AASS: variants seen among roughly 807,000 people sequenced by gnomAD.
AASS encodes the protein alpha-aminoadipic semialdehyde synthase, mitochondrial.
A neutral mutation model predicts 105.4 loss-of-function variants in AASS; 86 were observed. That is an observed-to-expected ratio of 0.82 (90% CI 0.69 to 0.98). The LOEUF is 0.98. AASS is among the 50% of genes least tolerant of loss of function. The pLI, the probability that AASS is intolerant of heterozygous loss-of-function variation, is 0.00. For missense variants in AASS, 1,048 were observed against 1,143.2 expected (o/e 0.92, Z 1.20); for synonymous variants, 381 against 394.8 (o/e 0.96, Z 0.41).
At chr7:122,125,832 G>A (rs1320247882) in intron 4 of AASS, among the ~76,000 whole-genome samples, 1 of 152,178 alleles carries the variant, frequency 6.6e-6, no homozygotes, top group African/African-American at 2.4e-5. Flanking sequence ...AGTCTTTGAA[G>A]AGGAACCTCT....
At chr7:122,103,106 C>T (rs558667473) in intron 11 of AASS, among the ~76,000 whole-genome samples, 1 of 152,028 alleles carries the variant, frequency 6.6e-6, no homozygotes, top group South Asian at 2.1e-4. Flanking sequence ...GACAGATGAA[C>T]ATCCAAATAT....
chr7:122,096,749 T>G (rs531577374), intron 15 of AASS, among the ~76,000 whole-genome samples: 49 of 152,262 alleles, frequency 3.2e-4, no homozygotes, highest in African/African-American at 1.2e-3. Context: ...TTTTTGCTAA[T>G]GCTAAATCCT....
intron 1 of AASS, among the ~76,000 whole-genome samples, chr7:122,141,143 C>G (rs760132572): frequency 3.3e-5 from 5 of 152,198 alleles, no homozygotes; most frequent in Non-Finnish European, 4.4e-5. Flanking sequence ...CATACTTTGA[C>G]TTCCTGTGCG....
In AASS at chr7:122,074,655, A is replaced by C. The variant is rs1792918727; in HGVS notation, c.*1834T>G. Among the ~76,000 whole-genome samples, 1 of 152,204 alleles carries C rather than the reference A, an allele frequency of 6.6e-6. No individual in the cohort carries two copies. The highest frequency in any genetic ancestry group is 2.1e-4 in the South Asian group (1 of 4,832). ...CAACTTTGAGTTAATTTTTATATGC[A>C]ATATGAGGTAGGAGTCCAATTTCAT... On this transcript the variant is annotated 3_prime_UTR_variant, in exon 24 of 24. Coordinates refer to ENST00000417368, the MANE Select transcript of AASS (RefSeq NM_005763.4).
At chr7:122,139,282 C>G (rs1487440834) in intron 1 of AASS, among the ~76,000 whole-genome samples, 1 of 152,134 alleles carries the variant, frequency 6.6e-6, no homozygotes, top group African/African-American at 2.4e-5. Flanking sequence ...ATATGCACGG[C>G]ATGATGCACT....
chr7:122,116,961 C>T lies in AASS; in HGVS notation c.688-4G>A. The stretch of plus-strand genomic sequence containing the variant: ...CATTAAAGATTGCTTGGGCTCCCTA[C>T]AAATAACACATGAGTAAAAATCCAA... On this transcript the variant is annotated splice_region_variant and splice_polypyrimidine_tract_variant and intron_variant, in intron 6 of 23. Coordinates refer to ENST00000417368, the MANE Select transcript of AASS (RefSeq NM_005763.4). 1 of 1,612,526 alleles carries T rather than the reference C, an allele frequency of 6.2e-7. No homozygotes were observed. The highest frequency in any genetic ancestry group is 1.7e-5 in the Admixed American group (1 of 60,004).
chr7:122,129,940 T>A (rs1795835246), intron 2 of AASS, among the ~76,000 whole-genome samples: 2 of 152,138 alleles, frequency 1.3e-5, no homozygotes, highest in Non-Finnish European at 2.9e-5. Context: ...ACATTTATTT[T>A]TCAGTGTTTA....
intron 3 of AASS, among the ~76,000 whole-genome samples, 190 bp from the exon 4 acceptor site, chr7:122,126,649 G>A (rs202022894): frequency 6.6e-6 from 1 of 152,120 alleles, no homozygotes; most frequent in African/African-American, 2.4e-5. Context: ...TGGTAGGCTT[G>A]TAATTAGAAA....
intron 4 of AASS, 98 bp from the exon 5 acceptor site, chr7:122,118,728 C>A (rs1795309049): frequency 6.0e-6 from 7 of 1,171,238 alleles, no homozygotes; most frequent in Non-Finnish European, 8.8e-6. Flanking sequence ...CCTGCAGAAG[C>A]ACAGATCATG....
chr7:122,077,751 G>A (rs993503401), intron 23 of AASS, 87 bp downstream of exon 23: 47 of 1,499,720 alleles, frequency 3.1e-5, no homozygotes, highest in African/African-American at 1.7e-4. Context: ...CCTGTGTTAC[G>A]CTCAAGAGCA....
At chr7:122,122,819 A>T (rs1194702983) in intron 4 of AASS, among the ~76,000 whole-genome samples, 2 of 152,070 alleles carry the variant, frequency 1.3e-5, no homozygotes, top group Non-Finnish European at 2.9e-5. Context: ...GATTTCCTCT[A>T]TTTCTCTCCT....
intron 13 of AASS, among the ~76,000 whole-genome samples, chr7:122,099,585 T>A (rs1406454210): frequency 6.6e-6 from 1 of 151,910 alleles, no homozygotes; most frequent in Non-Finnish European, 1.5e-5. Flanking sequence ...AACCCATTAA[T>A]GCTCAGCACA....
chr7:122,129,269 G>A (rs1795798845), intron 3 of AASS, 92 bp downstream of exon 3: 2 of 793,664 alleles, frequency 2.5e-6, no homozygotes, highest in Non-Finnish European at 1.9e-6. Flanking sequence ...TTAAACTAAA[G>A]AAGAAAAGAA....
intron 21 of AASS, 104 bp downstream of exon 21, chr7:122,079,493 C>T (rs910674988): frequency 9.2e-5 from 101 of 1,098,732 alleles, no homozygotes; most frequent in South Asian, 1.7e-4. Context: ...ATTAGAGCAA[C>T]GAATTAATCA....
chr7:122,107,421 T>C (rs761884735), intron 11 of AASS, among the ~76,000 whole-genome samples: 2 of 152,088 alleles, frequency 1.3e-5, no homozygotes, highest in Non-Finnish European at 2.9e-5. Flanking sequence ...TGTTCTATCA[T>C]AAGGACACAT....
intron 13 of AASS, among the ~76,000 whole-genome samples, chr7:122,099,681 G>A (rs1039747031): frequency 6.6e-6 from 1 of 152,012 alleles, no homozygotes; most frequent in African/African-American, 2.4e-5. Flanking sequence ...AAATGGCCTA[G>A]TGCCAGGGAC....
At chr7:122,129,563 T>C in intron 2 of AASS, 26 bp from the exon 3 acceptor site, 1 of 1,606,424 alleles carries the variant, frequency 6.2e-7, no homozygotes, top group Non-Finnish European at 8.5e-7. Context: ...TGATTAAAGG[T>C]TATTATCCTG....
At chr7:122,117,584 C>G (rs1411721956) in intron 6 of AASS, among the ~76,000 whole-genome samples, 1 of 152,022 alleles carries the variant, frequency 6.6e-6, no homozygotes, top group East Asian at 1.9e-4. Flanking sequence ...ACAGATCACC[C>G]TCAGAACAGA....
In AASS at chr7:122,126,343, G is replaced by A. The variant is rs560717101; in HGVS notation, c.472+32C>T. 52 of 1,588,818 alleles carry A rather than the reference G, an allele frequency of 3.3e-5. No homozygotes were observed. In the African/African-American group the frequency reaches 6.2e-4, roughly 19 times the overall value. On this transcript the variant is annotated intron_variant, in intron 4 of 23. Coordinates refer to ENST00000417368, the MANE Select transcript of AASS (RefSeq NM_005763.4). ...ACAGTTATTCCCCAAGCCAATTTAG[G>A]AAGTGGGTGATGTAAGCCCTGGCAT...
Sources: gnomAD v4.1 joint callset for allele counts (sites outside exome capture counted in the v4.1 genomes callset) on GRCh38, gnomAD v4.1.1 for gene constraint, MANE v1.5 for transcripts, NCBI Gene and HGNC (gene_info 2026-07-23, HGNC 2026-07-21) for gene names.